The following PCNA variants were observed in gnomAD, a reference collection of about 807,000 sequenced individuals.
PCNA encodes proliferating cell nuclear antigen.
Under a neutral mutation model 27.8 loss-of-function variants are expected in PCNA, and 4 were observed. The observed-to-expected ratio is 0.14, with a 90% CI of 0.07 to 0.33. PCNA has a LOEUF of 0.33. PCNA is among the 10% of genes least tolerant of loss of function. The probability of loss-of-function intolerance (pLI) is 1.00; values close to 1 mark genes in which losing one functional copy is unlikely to be tolerated. For missense variants in PCNA, 165 were observed against 327.4 expected (o/e 0.50, Z 3.83); for synonymous variants, 121 against 119.4 (o/e 1.01, Z -0.09).
At chr20:5,120,992 TA>T (rs970245083), upstream of PCNA, among the ~76,000 whole-genome samples, 4 of 151,938 alleles carry the variant, frequency 2.6e-5, no homozygotes, top group East Asian at 1.9e-4. Flanking sequence ...TTATTATTAT[TA>T]TTTTTTTTTA....
chr20:5,125,111 G>T (rs2090538469), intron 1 of PCNA, among the ~76,000 whole-genome samples: 1 of 152,174 alleles, frequency 6.6e-6, no homozygotes, highest in Non-Finnish European at 1.5e-5. Context: ...GGCCTATGTG[G>T]GAGGATTGCT....
At chr20:5,126,063 G>A (rs571972425) in intron 1 of PCNA, among the ~76,000 whole-genome samples, 77 of 152,288 alleles carry the variant, frequency 5.1e-4, no homozygotes, top group African/African-American at 1.6e-3. Flanking sequence ...GTGAAACCCC[G>A]TCTCTACTAA....
At position 5,119,932 on chromosome 20, in the gene PCNA, ACT is replaced by A. The variant is rs2090507040; in HGVS notation, c.-136_-135del. 1 of 686,446 alleles carries A rather than the reference ACT, an allele frequency of 1.5e-6. No homozygotes were observed. The highest frequency in any genetic ancestry group is 1.8e-5 in the South Asian group (1 of 56,872). The allele number at this position is 686,446 out of a possible 1,614,324, so 42.5% of individuals were successfully genotyped here. ...GCTGAGACCTAGAAAGACAACGACC[ACT>A]CTGCTACGCCTGCAACCGTTTAATG... On this transcript the variant is annotated 5_prime_UTR_variant, in exon 1 of 6. Coordinates refer to ENST00000379143, the MANE Select transcript of PCNA (RefSeq NM_182649.2).
Position 5,115,005 on chromosome 20 carries a change from C to G in PCNA, c.*278G>C. ...TTAAATTCAAAAACAATTCTTAAAACTGCATTTAGAGTCAAGACCCTTTTG... is the reference window on the plus strand; with the variant it reads ...TTAAATTCAAAAACAATTCTTAAAAGTGCATTTAGAGTCAAGACCCTTTTG... On this transcript the variant is annotated 3_prime_UTR_variant, in exon 6 of 6. Coordinates refer to ENST00000379143, the MANE Select transcript of PCNA (RefSeq NM_182649.2). 1 of 263,220 alleles carries G rather than the reference C, an allele frequency of 3.8e-6. No individual in the cohort carries two copies. The highest frequency in any genetic ancestry group is 5.8e-5 in the South Asian group (1 of 17,136). The allele number at this position is 263,220 out of a possible 1,614,324, so 16.3% of individuals were successfully genotyped here.
At chr20:5,115,801 G>C (rs2090470878) in intron 4 of PCNA, among the ~76,000 whole-genome samples, 1 of 152,128 alleles carries the variant, frequency 6.6e-6, no homozygotes, top group Admixed American at 6.5e-5. Flanking sequence ...TTTCTTTATG[G>C]AAGTTTTTCT....
At chr20:5,116,762 C>G (rs533078050) in intron 4 of PCNA, among the ~76,000 whole-genome samples, 1 of 152,282 alleles carries the variant, frequency 6.6e-6, no homozygotes, top group African/African-American at 2.4e-5. Context: ...AAGTCATTCT[C>G]CCATCTCAGC....
upstream of PCNA, chr20:5,121,385 CCTTTTTT>C (rs1568521248): frequency 2.6e-5 from 3 of 116,904 alleles, no homozygotes; most frequent in African/African-American, 1.1e-4. Context: ...GCCTTTCTTT[CCTTTTTT>C]TTTTTTTTTT....
chr20:5,117,267 C>T (rs2090481523), intron 4 of PCNA, among the ~76,000 whole-genome samples: 4 of 152,174 alleles, frequency 2.6e-5, no homozygotes, highest in African/African-American at 7.2e-5. Context: ...GGTATGTACA[C>T]GTGCTGAATT....
At chr20:5,115,686 AT>A (rs1397020674) in intron 4 of PCNA, 114 bp from the exon 5 acceptor site, 15 of 842,322 alleles carry the variant, frequency 1.8e-5, no homozygotes. Flanking sequence ...GGAGGGAGCT[AT>A]GAAAATTTTG....
At chr20:5,120,164 A>C, upstream of PCNA, 1 of 252,322 alleles carries the variant, frequency 4.0e-6, no homozygotes, top group Non-Finnish European at 8.1e-6. Flanking sequence ...TGACTCCTGA[A>C]CCCGGCCGCA....
chr20:5,118,483 A>C, intron 3 of PCNA, 127 bp downstream of exon 3: 2 of 663,972 alleles, frequency 3.0e-6, no homozygotes, highest in Non-Finnish European at 5.2e-6. Context: ...AGAGAGCTAT[A>C]TGGCACTACT....
chr20:5,124,676 A>G (rs1231523533), upstream of PCNA, among the ~76,000 whole-genome samples: 1 of 151,824 alleles, frequency 6.6e-6, no homozygotes, highest in Non-Finnish European at 1.5e-5. Context: ...AAACGAAAAG[A>G]GAGAGAGAGA....
intron 1 of PCNA, among the ~76,000 whole-genome samples, chr20:5,125,801 G>T (rs1035202240): frequency 2.0e-5 from 3 of 152,158 alleles, no homozygotes; most frequent in Admixed American, 6.5e-5. Flanking sequence ...CTTGGCTAAG[G>T]TCCTTTTAAA....
upstream of PCNA, among the ~76,000 whole-genome samples, chr20:5,120,219 C>T (rs1397784152): frequency 3.9e-5 from 6 of 152,356 alleles, no homozygotes; most frequent in African/African-American, 7.2e-5. Flanking sequence ...GGTCCCGGCT[C>T]GTCAAGCCCC....
chr20:5,119,619 G>A lies in PCNA; in HGVS notation c.180C>T (p.Tyr60=). Reference sequence around the variant, plus strand: ...CCATGGCCAGGTTGCGGTCGCAGCGGTAGGTGTCGAAGCCCTCAGACCGCA... The same window carrying A: ...CCATGGCCAGGTTGCGGTCGCAGCGATAGGTGTCGAAGCCCTCAGACCGCA... ...LTLRSEGFDT[Y]RCDRNLAMGV... is the part of the protein sequence containing the mutation. The change falls in exon 1 of 6, where the codon TAC becomes TAT. Residue 60 remains tyrosine (Y), a synonymous_variant. Transcript: ENST00000379143. 2 of 1,613,728 alleles carry A rather than the reference G, an allele frequency of 1.2e-6. No individual in the cohort carries two copies. Among genetic ancestry groups the A allele is most frequent in the Non-Finnish European group, 8.5e-7 (1 of 1,179,972 alleles).
Position 5,115,092 on chromosome 20 carries a change from T to A in PCNA, c.*191A>T, listed in dbSNP as rs1211296490. 1 of 503,074 alleles carries A rather than the reference T, an allele frequency of 2.0e-6. No individual in the cohort carries two copies. Among genetic ancestry groups the A allele is most frequent in the Non-Finnish European group, 3.5e-6 (1 of 283,366 alleles). The allele number at this position is 503,074 out of a possible 1,614,324, so 31.2% of individuals were successfully genotyped here. ...ATACTTCTAGGTTAACTAGACCAGATCTGACTTTGGACTTTATTCTTTAAA... is the reference window on the plus strand; with the variant it reads ...ATACTTCTAGGTTAACTAGACCAGAACTGACTTTGGACTTTATTCTTTAAA... On this transcript the variant is annotated 3_prime_UTR_variant, in exon 6 of 6. Transcript: ENST00000379143.
chr20:5,117,818 T>G (rs1359233679), intron 3 of PCNA, among the ~76,000 whole-genome samples, 154 bp from the exon 4 acceptor site: 1 of 152,084 alleles, frequency 6.6e-6, no homozygotes, highest in African/African-American at 2.4e-5. Context: ...CAAACTCCAC[T>G]CAAAAAAATA....
At chr20:5,123,490 T>C (rs2090528374), upstream of PCNA, among the ~76,000 whole-genome samples, 1 of 151,856 alleles carries the variant, frequency 6.6e-6, no homozygotes, top group Non-Finnish European at 1.5e-5. Context: ...AGGTCAGGAG[T>C]TCGAGACCAG....
At chr20:5,121,429 A>T (rs1242890670), upstream of PCNA, 5 of 127,218 alleles carry the variant, frequency 3.9e-5, no homozygotes, top group Non-Finnish European at 7.8e-5. Context: ...CTGTGACTCC[A>T]TACAAGGTTC....
Sources: gnomAD v4.1 joint callset for allele counts (sites outside exome capture counted in the v4.1 genomes callset) on GRCh38, gnomAD v4.1.1 for gene constraint, MANE v1.5 for transcripts, NCBI Gene and HGNC (gene_info 2026-07-23, HGNC 2026-07-21) for gene names.